The following DLGAP1 variants were observed in gnomAD, a reference collection of about 807,000 sequenced individuals.
DLGAP1 encodes disks large-associated protein 1.
In DLGAP1, 11 loss-of-function variants were observed where a neutral mutation model predicts 90.8. That is an observed-to-expected ratio of 0.12 (90% CI 0.08 to 0.20). The LOEUF is 0.20. DLGAP1 is among the 10% of genes least tolerant of loss of function. The probability of loss-of-function intolerance (pLI) is 1.00; values close to 1 mark genes in which losing one functional copy is unlikely to be tolerated. For missense variants in DLGAP1, 1,050 were observed against 1,333.8 expected (o/e 0.79, Z 3.31); for synonymous variants, 558 against 540.7 (o/e 1.03, Z -0.44).
intron 7 of DLGAP1, among the ~76,000 whole-genome samples, chr18:3,604,903 T>C (rs1050692129): frequency 6.6e-6 from 1 of 152,202 alleles, no homozygotes; most frequent in African/African-American, 2.4e-5. Flanking sequence ...TTTCAGTTTG[T>C]GTGTGCGTGT....
intron 1 of DLGAP1, among the ~76,000 whole-genome samples, chr18:4,327,149 G>T (rs887326278): frequency 2.0e-5 from 3 of 152,036 alleles, no homozygotes; most frequent in Non-Finnish European, 4.4e-5. Flanking sequence ...GTACTGCACA[G>T]CATGTTGACC....
At chr18:4,003,121 A>G (rs904566135) in intron 3 of DLGAP1, among the ~76,000 whole-genome samples, 3 of 152,234 alleles carry the variant, frequency 2.0e-5, no homozygotes, top group South Asian at 2.1e-4. Context: ...GTCTTAGAGA[A>G]CCATGACCCC....
At chr18:3,880,233 G>A (rs1568276194) in intron 3 of DLGAP1, 93 bp from the exon 4 acceptor site, 5 of 660,576 alleles carry the variant, frequency 7.6e-6, no homozygotes, top group Non-Finnish European at 1.3e-5. Context: ...GCCCAGGCTA[G>A]AGTGCACAGG....
chr18:3,547,290 A>C (rs1431371900), intron 9 of DLGAP1, among the ~76,000 whole-genome samples: 2 of 135,604 alleles, frequency 1.5e-5, no homozygotes, highest in Admixed American at 1.6e-4. Flanking sequence ...CAATAGAGCG[A>C]GACTCCGTCT....
intron 7 of DLGAP1, among the ~76,000 whole-genome samples, chr18:3,659,504 A>G (rs111853572): frequency 6.8e-6 from 1 of 146,428 alleles, no homozygotes; most frequent in African/African-American, 2.5e-5. Context: ...GTTTGAAAAT[A>G]CAATTGAAAA....
At chr18:3,863,357 C>A (rs2070198141) in intron 4 of DLGAP1, among the ~76,000 whole-genome samples, 1 of 152,186 alleles carries the variant, frequency 6.6e-6, no homozygotes, top group Non-Finnish European at 1.5e-5. Context: ...TTTTTAATAA[C>A]AAGAAACTCT....
At chr18:4,151,479 T>C (rs1282392041) in intron 1 of DLGAP1, among the ~76,000 whole-genome samples, 192 bp from the exon 2 acceptor site, 1 of 152,140 alleles carries the variant, frequency 6.6e-6, no homozygotes, top group African/African-American at 2.4e-5. Context: ...TTTCAGAAAA[T>C]AAAATCAATC....
intron 3 of DLGAP1, among the ~76,000 whole-genome samples, chr18:3,941,560 T>A (rs947742207): frequency 2.6e-5 from 4 of 152,154 alleles, no homozygotes; most frequent in African/African-American, 4.8e-5. Flanking sequence ...AATTATAAAA[T>A]CAGAAGCCTG....
At chr18:4,171,578 G>GA (rs1311297222) in intron 1 of DLGAP1, among the ~76,000 whole-genome samples, 1 of 147,636 alleles carries the variant, frequency 6.8e-6, no homozygotes, top group Non-Finnish European at 1.5e-5. Flanking sequence ...AAAAAAAAAA[G>GA]AAAAAAAAGA....
At chr18:4,012,643 T>G (rs962742245) in intron 2 of DLGAP1, among the ~76,000 whole-genome samples, 1 of 152,196 alleles carries the variant, frequency 6.6e-6, no homozygotes, top group Non-Finnish European at 1.5e-5. Context: ...AACTGGTCTA[T>G]GTATTTGACA....
intron 5 of DLGAP1, among the ~76,000 whole-genome samples, chr18:3,750,942 G>C (rs2063471930): frequency 6.6e-6 from 1 of 152,114 alleles, no homozygotes; most frequent in Non-Finnish European, 1.5e-5. Context: ...GTTCTTCCCA[G>C]ACTAAAGTCC....
At chr18:3,693,952 C>T (rs1030191451) in intron 7 of DLGAP1, among the ~76,000 whole-genome samples, 4 of 151,988 alleles carry the variant, frequency 2.6e-5, no homozygotes, top group African/African-American at 7.3e-5. Flanking sequence ...ACATAGGTAT[C>T]CATGTGCCAT....
intron 2 of DLGAP1, among the ~76,000 whole-genome samples, chr18:4,103,917 C>A (rs927124296): frequency 1.3e-5 from 2 of 152,056 alleles, no homozygotes. Context: ...ATTTTTAATG[C>A]TTTAGAGTCA....
rs115416945 is a variant in DLGAP1, at chr18:4,339,653, G to A, written c.-267+115353C>T. Among the ~76,000 whole-genome samples, 1,013 of 151,964 alleles carry A rather than the reference G, an allele frequency of 6.7e-3. 16 individuals are homozygous for A. The highest frequency in any genetic ancestry group is 0.023 in the African/African-American group (953 of 41,442). ...CCTCATCAGAACCCCTAAAATTATA[G>A]ATTCTATTATTCCTTACTTAAAATT... On this transcript the variant is annotated intron_variant, in intron 1 of 12. Coordinates refer to ENST00000315677, the MANE Select transcript of DLGAP1 (RefSeq NM_004746.4).
At chr18:3,624,088 A>G (rs2058204071) in intron 7 of DLGAP1, among the ~76,000 whole-genome samples, 1 of 152,162 alleles carries the variant, frequency 6.6e-6, no homozygotes, top group South Asian at 2.1e-4. Context: ...AGATGAGATT[A>G]ATCAAATGCC....
intron 1 of DLGAP1, among the ~76,000 whole-genome samples, chr18:4,202,872 A>G (rs1443615226): frequency 6.6e-6 from 1 of 152,232 alleles, no homozygotes; most frequent in Non-Finnish European, 1.5e-5. Context: ...CACTAAATAA[A>G]TATCTTTTGA....
intron 7 of DLGAP1, chr18:3,722,231 C>T (rs2062007947): frequency 6.6e-6 from 1 of 152,198 alleles, no homozygotes; most frequent in African/African-American, 2.4e-5. Flanking sequence ...AAGGTTGGCA[C>T]TCCGTTCCCA....
intron 5 of DLGAP1, among the ~76,000 whole-genome samples, chr18:3,804,231 T>G (rs1159294844): frequency 6.6e-6 from 1 of 152,066 alleles, no homozygotes; most frequent in South Asian, 2.1e-4. Flanking sequence ...GTGATCTGCC[T>G]GCCCTGGCCT....
intron 3 of DLGAP1, among the ~76,000 whole-genome samples, chr18:3,922,123 T>C (rs993728253): frequency 6.6e-6 from 1 of 152,048 alleles, no homozygotes. Context: ...AAATAGGAAA[T>C]GTGAGATCAA....
Sources: allele counts gnomAD v4.1 joint callset (sites outside exome capture counted in the v4.1 genomes callset), GRCh38; gene constraint gnomAD v4.1.1; transcripts MANE v1.5; gene names NCBI Gene and HGNC (gene_info 2026-07-23, HGNC 2026-07-21).